The following CPNE8 variants were observed in gnomAD, a reference collection of about 807,000 sequenced individuals.
CPNE8 encodes the protein copine-8.
In CPNE8, 45 loss-of-function variants were observed where a neutral mutation model predicts 81.5. The observed-to-expected ratio is 0.55, with a 90% CI of 0.44 to 0.71. The LOEUF (loss-of-function observed/expected upper bound fraction) is 0.71, where lower values mean the gene tolerates loss of function less well. Ranked by LOEUF, CPNE8 falls within the 30% of genes least tolerant of loss-of-function variation. The pLI, the probability that CPNE8 is intolerant of heterozygous loss-of-function variation, is 0.00. For missense variants in CPNE8, 594 were observed against 672.1 expected (o/e 0.88, Z 1.28); for synonymous variants, 252 against 226.3 (o/e 1.11, Z -1.02).
intron 11 of CPNE8, 121 bp from the exon 12 acceptor site, chr12:38,725,020 A>C: frequency 2.3e-6 from 2 of 882,206 alleles, no homozygotes; most frequent in Non-Finnish European, 3.6e-6. Flanking sequence ...ATTCATTTAC[A>C]AATGCTTTCA....
chr12:38,714,148 C>T (rs910409572), intron 13 of CPNE8, among the ~76,000 whole-genome samples: 6 of 152,034 alleles, frequency 3.9e-5, no homozygotes. Flanking sequence ...ACAGTGTGAG[C>T]TGCTGGGGAT....
intron 6 of CPNE8, among the ~76,000 whole-genome samples, chr12:38,785,668 T>C (rs186395273): frequency 6.6e-6 from 1 of 152,320 alleles, no homozygotes; most frequent in Non-Finnish European, 1.5e-5. Context: ...TTCTTTCCTT[T>C]ATAATTTACT....
chr12:38,795,870 T>TAGATAGATAGAA (rs1942453397), intron 6 of CPNE8, among the ~76,000 whole-genome samples: 1 of 150,878 alleles, frequency 6.6e-6, no homozygotes, highest in South Asian at 2.1e-4. Context: ...GATGGATGGA[T>TAGATAGATAGAA]AGATAGATAG....
chr12:38,905,777 T>A, upstream of CPNE8: 3 of 1,392,608 alleles, frequency 2.2e-6, no homozygotes, highest in South Asian at 4.6e-5. Context: ...GGGATCCCGG[T>A]TTCCCAGCCC....
chr12:38,693,278 A>C (rs1311469846), intron 15 of CPNE8, among the ~76,000 whole-genome samples: 1 of 152,044 alleles, frequency 6.6e-6, no homozygotes, highest in African/African-American at 2.4e-5. Flanking sequence ...CTAAGCTGAG[A>C]CTCCAGGTAC....
intron 6 of CPNE8, among the ~76,000 whole-genome samples, chr12:38,818,643 T>A (rs1943065391): frequency 6.6e-6 from 1 of 152,208 alleles, no homozygotes; most frequent in Non-Finnish European, 1.5e-5. Context: ...TTTGGGTATA[T>A]ATTCAGTAAT....
intron 4 of CPNE8, among the ~76,000 whole-genome samples, chr12:38,842,798 G>A (rs965006576): frequency 4.6e-5 from 7 of 151,764 alleles, no homozygotes; most frequent in South Asian, 4.2e-4. Context: ...GGCTGGTCTC[G>A]AACTACTAAC....
chr12:38,708,337 C>G (rs1940164739), intron 13 of CPNE8, among the ~76,000 whole-genome samples: 1 of 150,652 alleles, frequency 6.6e-6, no homozygotes, highest in East Asian at 2.0e-4. Flanking sequence ...TTGCTTGAAG[C>G]CTAATGTTAG....
intron 1 of CPNE8, among the ~76,000 whole-genome samples, chr12:38,893,108 T>C (rs1265857557): frequency 6.6e-6 from 1 of 152,172 alleles, no homozygotes; most frequent in African/African-American, 2.4e-5. Flanking sequence ...AAGTGTAATA[T>C]GGCAACAAAG....
chr12:38,712,828 A>G (rs1940293865), intron 13 of CPNE8, among the ~76,000 whole-genome samples: 1 of 152,222 alleles, frequency 6.6e-6, no homozygotes, highest in African/African-American at 2.4e-5. Flanking sequence ...ATGAACTACA[A>G]GAAAGTGATT....
chr12:38,902,286 G>A lies in CPNE8; in HGVS notation c.98+3151C>T, dbSNP rs7486847. 4.7e-4 allele frequency among the ~76,000 whole-genome samples: 52 copies of A among 111,600 alleles called. 1 individual carries two copies. Among genetic ancestry groups the A allele is most frequent in the Middle Eastern group, 4.7e-3 (1 of 212 alleles). The allele number at this position is 111,600 out of a possible 152,430, so 73.2% of individuals were successfully genotyped here. On this transcript the variant is annotated intron_variant, in intron 1 of 19. Transcript: ENST00000331366. ...AAAGAAAGAAAAAGAAAAGAAAGAA[G>A]GAAGGAAGGAAAGGAAGGAAGGAAG...
chr12:38,863,284 T>C (rs78125476), intron 3 of CPNE8, among the ~76,000 whole-genome samples: 2,997 of 152,174 alleles, frequency 0.02, 95 homozygotes, highest in African/African-American at 0.068. Context: ...CAGAAGAAAT[T>C]GAAATTGTAA....
intron 6 of CPNE8, among the ~76,000 whole-genome samples, chr12:38,794,652 A>C (rs1477101037): frequency 1.8e-5 from 2 of 111,036 alleles, no homozygotes; most frequent in Non-Finnish European, 3.5e-5. Context: ...AACTACTATA[A>C]AAAAAAAAAA....
intron 3 of CPNE8, among the ~76,000 whole-genome samples, chr12:38,856,983 G>A (rs981978102): frequency 6.6e-5 from 10 of 151,248 alleles, no homozygotes; most frequent in African/African-American, 2.4e-4. Flanking sequence ...TCAATATACA[G>A]CCTATATATA....
intron 1 of CPNE8, among the ~76,000 whole-genome samples, chr12:38,877,325 CT>C (rs1292875439): frequency 6.6e-6 from 1 of 152,038 alleles, no homozygotes; most frequent in Non-Finnish European, 1.5e-5. Flanking sequence ...AGAAAAAAAT[CT>C]TTGTTTTTTA....
At chr12:38,660,667 G>A (rs1021444456) in intron 19 of CPNE8, among the ~76,000 whole-genome samples, 15 of 152,128 alleles carry the variant, frequency 9.9e-5, no homozygotes, top group African/African-American at 3.4e-4. Context: ...TACCATCAGA[G>A]TGAACAGGCA....
intron 3 of CPNE8, among the ~76,000 whole-genome samples, chr12:38,851,561 T>C (rs1044419161): frequency 2.0e-5 from 3 of 152,206 alleles, no homozygotes; most frequent in African/African-American, 7.2e-5. Context: ...CACAGCTGTT[T>C]ACTTCTCTCC....
chr12:38,729,445 C>T (rs1202735822), intron 11 of CPNE8, among the ~76,000 whole-genome samples: 1 of 151,966 alleles, frequency 6.6e-6, no homozygotes, highest in Non-Finnish European at 1.5e-5. Context: ...CCATTAGGTA[C>T]TGAAATTTAT....
chr12:38,701,072 G>C (rs1000800410), intron 14 of CPNE8, among the ~76,000 whole-genome samples: 3 of 152,104 alleles, frequency 2.0e-5, no homozygotes, highest in African/African-American at 7.2e-5. Flanking sequence ...CTCATTGCAA[G>C]GACAAATCTT....
Sources: gnomAD v4.1 joint callset for allele counts (sites outside exome capture counted in the v4.1 genomes callset) on GRCh38, gnomAD v4.1.1 for gene constraint, MANE v1.5 for transcripts, NCBI Gene and HGNC (gene_info 2026-07-23, HGNC 2026-07-21) for gene names.